The following CRIM1 variants were observed in gnomAD, a reference collection of about 807,000 sequenced individuals.
CRIM1 encodes the protein cysteine rich transmembrane BMP regulator 1, also known as cysteine-rich motor neuron 1 protein.
Under a neutral mutation model 116.4 loss-of-function variants are expected in CRIM1, and 32 were observed. The observed-to-expected ratio is 0.27, with a 90% CI of 0.21 to 0.37. The LOEUF (loss-of-function observed/expected upper bound fraction) is 0.37. Among genes scored for constraint, CRIM1 ranks in the 10% least tolerant of loss-of-function variants. The pLI is 1.00. For synonymous variants in CRIM1, 590 were observed against 509.2 expected, an observed-to-expected ratio of 1.16 and a Z score of -2.13; for missense variants, 1,331 against 1,354.8, an observed-to-expected ratio of 0.98 and a Z score of 0.28.
chr2:36,479,919 C>T (rs1024955401), intron 7 of CRIM1, among the ~76,000 whole-genome samples: 4 of 152,152 alleles, frequency 2.6e-5, no homozygotes, highest in Admixed American at 1.3e-4. Flanking sequence ...CAAATATGCG[C>T]GTCTGAATAC....
At chr2:36,369,666 G>A (rs9308992) in intron 1 of CRIM1, among the ~76,000 whole-genome samples, 29,409 of 152,156 alleles carry the variant, frequency 0.19, 3,439 homozygotes, top group Non-Finnish European at 0.26. Context: ...AGGAACATTC[G>A]AGAAGATGAT....
intron 1 of CRIM1, among the ~76,000 whole-genome samples, chr2:36,387,427 C>CA (rs1671248626): frequency 1.3e-5 from 2 of 152,158 alleles, no homozygotes; most frequent in South Asian, 4.1e-4. Context: ...ACTGGACATT[C>CA]AAGTTCAGAG....
At chr2:36,473,705 T>TC (rs1423327934) in intron 5 of CRIM1, among the ~76,000 whole-genome samples, 1 of 152,218 alleles carries the variant, frequency 6.6e-6, no homozygotes, top group Admixed American at 6.5e-5. Flanking sequence ...TATCAGAACT[T>TC]CATTTCTTTT....
At chr2:36,357,760 G>A (rs1248994183) in intron 1 of CRIM1, among the ~76,000 whole-genome samples, 1 of 152,186 alleles carries the variant, frequency 6.6e-6, no homozygotes, top group South Asian at 2.1e-4. Flanking sequence ...GGGAGGCGGC[G>A]AGGAGGGACA....
rs1004821292 is a variant in CRIM1 at position 36,376,333 on chromosome 2, A to G, written c.331+19710A>G. ...AATGGATTTGTATCTTCCTTGCTCT[A>G]CAGTAGATAGTGAAGCCTCCGTGAC... On this transcript the variant is annotated intron_variant, in intron 1 of 16. Transcript: ENST00000280527. Among the ~76,000 whole-genome samples the G allele has an allele frequency of 6.6e-5, 10 of 152,316 alleles. 1 individual carries two copies. The highest frequency in any genetic ancestry group is 4.1e-4 in the South Asian group (2 of 4,826).
chr2:36,490,356 C>T (rs1009103699), intron 7 of CRIM1, among the ~76,000 whole-genome samples: 2 of 151,970 alleles, frequency 1.3e-5, no homozygotes, highest in Middle Eastern at 3.2e-3. Flanking sequence ...TTCTGGAAGC[C>T]CAGAGAGGTC....
chr2:36,397,465 C>T (rs1339600879), intron 2 of CRIM1, among the ~76,000 whole-genome samples: 1 of 152,090 alleles, frequency 6.6e-6, no homozygotes, highest in East Asian at 1.9e-4. Flanking sequence ...GGCTCATAGC[C>T]AAAAGGGGTA....
chr2:36,510,357 A>G (rs750910151), intron 9 of CRIM1, among the ~76,000 whole-genome samples: 2 of 152,210 alleles, frequency 1.3e-5, no homozygotes, highest in Admixed American at 6.5e-5. Flanking sequence ...GACATGGGCC[A>G]GACACACCCT....
At chr2:36,424,082 T>G (rs1674273558) in intron 2 of CRIM1, among the ~76,000 whole-genome samples, 2 of 152,224 alleles carry the variant, frequency 1.3e-5, no homozygotes, top group African/African-American at 4.8e-5. Context: ...AGGCATTATG[T>G]TGGGCTACAA....
chr2:36,479,626 C>T lies in CRIM1; in HGVS notation c.1304C>T (p.Ala435Val), dbSNP rs779719906. The T allele has an allele frequency of 3.1e-6, 5 of 1,614,210 alleles. No homozygotes were observed. Among genetic ancestry groups the T allele is most frequent in the Admixed American group, 3.3e-5 (2 of 60,028 alleles). The change falls in exon 7 of 17, where the codon GCG becomes GTG. Residue 435 changes from alanine (A) to valine (V), a missense_variant. Ala to Val is a moderately conservative substitution (Grantham distance 64). Around this residue, in one of 3 missense-constraint regions of CRIM1, gnomAD observed 690 missense variants for 676.0 expected, o/e 1.02. Coordinates refer to ENST00000280527, the MANE Select transcript of CRIM1 (RefSeq NM_016441.3). ...GTCAACGGTGAACGCCACTGCGTTG[C>T]GACCGTCTGCGGACAGACCTGCACA... Reference protein sequence around the residue: ...QCVNGERHCVATVCGQTCTNP... With the variant: ...QCVNGERHCVVTVCGQTCTNP...
chr2:36,476,132 T>C (rs984226585), intron 5 of CRIM1, among the ~76,000 whole-genome samples: 2 of 152,118 alleles, frequency 1.3e-5, no homozygotes, highest in African/African-American at 4.8e-5. Context: ...TAAAAATCAT[T>C]GATATCGTGA....
At chr2:36,488,558 A>G (rs1478177128) in intron 7 of CRIM1, among the ~76,000 whole-genome samples, 7 of 152,248 alleles carry the variant, frequency 4.6e-5, no homozygotes, top group African/African-American at 1.7e-4. Context: ...GAAATTTGCC[A>G]GAAAGCATGC....
At chr2:36,359,623 A>G (rs1572547358) in intron 1 of CRIM1, among the ~76,000 whole-genome samples, 1 of 152,336 alleles carries the variant, frequency 6.6e-6, no homozygotes, top group African/African-American at 2.4e-5. Flanking sequence ...TATTTTCTGA[A>G]TGATTAAATA....
intron 1 of CRIM1, among the ~76,000 whole-genome samples, chr2:36,360,277 G>T (rs538940417): frequency 2.6e-5 from 4 of 152,182 alleles, no homozygotes; most frequent in Non-Finnish European, 5.9e-5. Flanking sequence ...GAGTGATGAG[G>T]AACCAGGTGG....
intron 9 of CRIM1, among the ~76,000 whole-genome samples, chr2:36,511,347 C>A (rs991017745): frequency 2.0e-5 from 3 of 152,114 alleles, no homozygotes; most frequent in African/African-American, 7.2e-5. Context: ...GAGGGGTCGT[C>A]TTTATAATTT....
At chr2:36,533,905 G>A (rs772489538) in intron 13 of CRIM1, among the ~76,000 whole-genome samples, 6 of 151,716 alleles carry the variant, frequency 4.0e-5, no homozygotes, top group South Asian at 2.1e-4. Flanking sequence ...TCTCGTGTGT[G>A]GAGAGAGGAA....
At chr2:36,394,105 G>C (rs377646690) in intron 1 of CRIM1, among the ~76,000 whole-genome samples, 2 of 152,076 alleles carry the variant, frequency 1.3e-5, no homozygotes, top group African/African-American at 2.4e-5. Flanking sequence ...ATGGTGGGAA[G>C]GGATGTTTAC....
At chr2:36,517,234 C>A in intron 11 of CRIM1, 93 bp from the exon 12 acceptor site, 1 of 931,720 alleles carries the variant, frequency 1.1e-6, no homozygotes, top group Non-Finnish European at 1.7e-6. Context: ...CACAGTTCAT[C>A]TCTTCTATCC....
chr2:36,544,597 C>G (rs1035546229), intron 15 of CRIM1, 99 bp downstream of exon 15: 36 of 1,200,074 alleles, frequency 3.0e-5, no homozygotes, highest in Non-Finnish European at 3.7e-5. Flanking sequence ...TTTAAAATGA[C>G]TTGCTGAAGT....
Sources: gnomAD v4.1 joint callset for allele counts (sites outside exome capture counted in the v4.1 genomes callset) on GRCh38, gnomAD v4.1.1 for gene constraint, gnomAD v4.1.1 regional missense constraint, MANE v1.5 for transcripts, NCBI Gene and HGNC (gene_info 2026-07-23, HGNC 2026-07-21) for gene names.